The following EML4 variants were observed in gnomAD, a reference collection of about 807,000 sequenced individuals.
The protein encoded by EML4 is EMAP like 4.
In EML4, 72 loss-of-function variants were observed where a neutral mutation model predicts 129.0. That is an observed-to-expected ratio of 0.56 (90% CI 0.46 to 0.68). The LOEUF (loss-of-function observed/expected upper bound fraction) is 0.68. EML4 is among the 30% of genes least tolerant of loss of function. The pLI is 0.00. For missense variants in EML4, 1,363 were observed against 1,190.6 expected (o/e 1.14, Z -2.13); for synonymous variants, 532 against 405.0 (o/e 1.31, Z -3.77).
chr2:42,236,588 G>A (rs775486897), intron 1 of EML4, among the ~76,000 whole-genome samples: 18 of 152,212 alleles, frequency 1.2e-4, no homozygotes, highest in Non-Finnish European at 2.6e-4. Context: ...TCCACAGACT[G>A]TGTGGTCTGC....
intron 17 of EML4, among the ~76,000 whole-genome samples, 171 bp from the exon 18 acceptor site, chr2:42,315,791 G>T (rs1035581025): frequency 6.6e-6 from 1 of 152,106 alleles, no homozygotes; most frequent in African/African-American, 2.4e-5. Flanking sequence ...TGAGGTGTGG[G>T]AGGATAGTGT....
intron 1 of EML4, among the ~76,000 whole-genome samples, chr2:42,229,089 C>G (rs980864565): frequency 2.0e-5 from 3 of 152,044 alleles, no homozygotes; most frequent in Non-Finnish European, 4.4e-5. Flanking sequence ...AGGTACCTGA[C>G]TGCAAATGTT....
At chr2:42,238,259 C>A (rs1322406148) in intron 1 of EML4, among the ~76,000 whole-genome samples, 1 of 152,108 alleles carries the variant, frequency 6.6e-6, no homozygotes, top group Non-Finnish European at 1.5e-5. Context: ...GGATACTCAA[C>A]CTGTAATATG....
In EML4 at chr2:42,179,266, T is replaced by G. The variant is rs1382349721; in HGVS notation, c.25+9630T>G. Among the ~76,000 whole-genome samples, 25 of 149,714 alleles carry G rather than the reference T, an allele frequency of 1.7e-4. No homozygotes were observed. In the Admixed American group the frequency reaches 1.7e-3, roughly 10 times the overall value. ...TTTTAAAACGTCGGGGAGCTGGGTT[T>G]TTTTTTTTTTTTTAATATTATAAAG... On this transcript the variant is annotated intron_variant, in intron 1 of 22. Transcript: ENST00000318522.
In EML4 at chr2:42,330,394, G is replaced by A; in HGVS notation, c.*187G>A. 1.5e-6 allele frequency: 1 copy of A among 677,444 alleles called. No individual in the cohort carries two copies. The highest frequency in any genetic ancestry group is 1.6e-5 in the South Asian group (1 of 61,904). The allele number at this position is 677,444 out of a possible 1,614,324, so 42.0% of individuals were successfully genotyped here. On this transcript the variant is annotated 3_prime_UTR_variant, in exon 23 of 23. Transcript: ENST00000318522. ...AGCCAACTTAAAGTTTTAGTTTGGT[G>A]TTTATTGAAAATTAACCAAACTTAA...
chr2:42,250,838 T>A (rs1004374260), intron 2 of EML4, among the ~76,000 whole-genome samples: 2 of 152,198 alleles, frequency 1.3e-5, no homozygotes, highest in African/African-American at 2.4e-5. Context: ...CAACTCACCA[T>A]AATGTAGAAT....
At chr2:42,176,033 G>T (rs1393402359) in intron 1 of EML4, among the ~76,000 whole-genome samples, 1 of 145,770 alleles carries the variant, frequency 6.9e-6, no homozygotes, top group Non-Finnish European at 1.5e-5. Context: ...AGATTTTTCT[G>T]ATGGAGTCCA....
rs983800199 is a variant in EML4, at chr2:42,264,745, C to T, written c.667+14C>T. 3.8e-5 allele frequency: 56 copies of T among 1,461,284 alleles called. No homozygotes were observed. The highest frequency in any genetic ancestry group is 5.2e-5 in the Non-Finnish European group (55 of 1,058,620). The allele number at this position is 1,461,284 out of a possible 1,614,324, so 90.5% of individuals were successfully genotyped here. A position where few individuals can be genotyped will look rare whatever the true frequency, so the allele number is the denominator to read the frequency against. On this transcript the variant is annotated intron_variant, in intron 6 of 22. Coordinates refer to ENST00000318522, the MANE Select transcript of EML4 (RefSeq NM_019063.5). Reference sequence around the variant, plus strand: ...TCATCAACCAAGGTAAATTAAAAATCCTTTTAAAAATTTTATTTTGCCCTT... The same window carrying T: ...TCATCAACCAAGGTAAATTAAAAATTCTTTTAAAAATTTTATTTTGCCCTT...
rs2053349 is a variant in EML4, at chr2:42,289,065, G to T, written c.1218+743G>T. ...TGAGTAAGCTTCAAGCTTTTAGCTT[G>T]TTGGGCAGAAAGATGATGTGATGTT... On this transcript the variant is annotated intron_variant, in intron 11 of 22. Transcript: ENST00000318522. 70 of 152,132 alleles carry T rather than the reference G, an allele frequency of 4.6e-4. 1 individual carries two copies. Among genetic ancestry groups the T allele is most frequent in the Middle Eastern group, 3.4e-3 (1 of 294 alleles). The allele number at this position is 152,132 out of a possible 1,614,324, so 9.4% of individuals were successfully genotyped here.
intron 17 of EML4, among the ~76,000 whole-genome samples, chr2:42,312,578 G>A (rs545043472): frequency 2.8e-4 from 42 of 148,178 alleles, no homozygotes; most frequent in Middle Eastern, 3.4e-3. Context: ...TTTTTAGACG[G>A]GGTCTTGCTC....
chr2:42,325,199 C>G (rs371445383), intron 19 of EML4: 1 of 550,680 alleles, frequency 1.8e-6, no homozygotes, highest in South Asian at 1.4e-5. Flanking sequence ...CTGTAAGATA[C>G]AAGTTTAAGA....
chr2:42,264,970 G>C (rs2104400265), intron 6 of EML4: 1 of 1,547,322 alleles, frequency 6.5e-7, no homozygotes, highest in Non-Finnish European at 8.7e-7. Flanking sequence ...AAGCTACGCA[G>C]TTGGTTGCCT....
In EML4 at chr2:42,331,935, T is replaced by G; in HGVS notation, c.*1728T>G. 4.7e-6 allele frequency: 1 copy of G among 213,148 alleles called. No individual in the cohort carries two copies. Among genetic ancestry groups the G allele is most frequent in the Non-Finnish European group, 9.5e-6 (1 of 105,114 alleles). 13.2% of individuals were successfully genotyped at this position (213,148 alleles called of 1,614,324 possible). On this transcript the variant is annotated 3_prime_UTR_variant, in exon 23 of 23. Transcript: ENST00000318522. ...TATCTTTCCTTTTGTTTACAACTGTTAAAAAACCTCAAAATAGTTCTCTTC... is the reference window on the plus strand; with the variant it reads ...TATCTTTCCTTTTGTTTACAACTGTGAAAAAACCTCAAAATAGTTCTCTTC...
intron 1 of EML4, among the ~76,000 whole-genome samples, chr2:42,195,820 T>A (rs911520735): frequency 1.1e-4 from 16 of 152,238 alleles, no homozygotes; most frequent in African/African-American, 3.9e-4. Flanking sequence ...AGCATCAGGT[T>A]ATTGGAGATT....
At chr2:42,184,619 C>A (rs949383649) in intron 1 of EML4, among the ~76,000 whole-genome samples, 17 of 152,180 alleles carry the variant, frequency 1.1e-4, no homozygotes, top group East Asian at 3.9e-4. Context: ...TCTTCTTATA[C>A]CGTTATTTAT....
chr2:42,224,664 C>G (rs961896028), intron 1 of EML4, among the ~76,000 whole-genome samples: 6 of 152,080 alleles, frequency 3.9e-5, no homozygotes, highest in African/African-American at 1.2e-4. Context: ...TACATTCCCA[C>G]TAGCAGTATA....
chr2:42,295,028 C>A, intron 11 of EML4, 97 bp from the exon 12 acceptor site: 2 of 1,100,662 alleles, frequency 1.8e-6, no homozygotes, highest in South Asian at 2.2e-5. Context: ...TTCTCAAAAT[C>A]TTGCCCTATC....
intron 17 of EML4, among the ~76,000 whole-genome samples, chr2:42,307,010 T>A (rs183393432): frequency 6.6e-6 from 1 of 152,294 alleles, no homozygotes; most frequent in Non-Finnish European, 1.5e-5. Flanking sequence ...GTTAGGAAGG[T>A]TTATCTTTGA....
chr2:42,280,200 G>A (rs868332107), intron 6 of EML4, among the ~76,000 whole-genome samples: 5 of 152,152 alleles, frequency 3.3e-5, no homozygotes, highest in African/African-American at 4.8e-5. Flanking sequence ...AAAAACTGCT[G>A]TCACAAAATT....
Sources: gnomAD v4.1 joint callset for allele counts (sites outside exome capture counted in the v4.1 genomes callset) on GRCh38, gnomAD v4.1.1 for gene constraint, MANE v1.5 for transcripts, NCBI Gene and HGNC (gene_info 2026-07-23, HGNC 2026-07-21) for gene names.